The following CHUK variants were observed in gnomAD, a reference collection of about 807,000 sequenced individuals.
CHUK encodes the protein inhibitor of nuclear factor kappa-B kinase subunit alpha.
CHUK carries 35 observed loss-of-function variants against 104.8 expected under a neutral mutation model. That is an observed-to-expected ratio of 0.33 (90% CI 0.26 to 0.44). The LOEUF (loss-of-function observed/expected upper bound fraction) is 0.44. Ranked by LOEUF, CHUK falls within the 20% of genes least tolerant of loss-of-function variation. CHUK has a pLI of 1.00. For synonymous variants in CHUK, 276 were observed against 291.9 expected (o/e 0.95, Z 0.56); for missense variants, 663 against 902.7 (o/e 0.73, Z 3.40).
rs112523374 is a variant in CHUK at position 100,202,224 on chromosome 10, T to A, written c.1508-75A>T. 7.6e-4 allele frequency: 718 copies of A among 944,278 alleles called. 10 individuals carry two copies. In the African/African-American group the frequency reaches 1.0e-2, roughly 13 times the overall value. 58.5% of individuals were successfully genotyped at this position (944,278 alleles called of 1,614,324 possible). A position where few individuals can be genotyped will look rare whatever the true frequency, so the allele number is the denominator to read the frequency against. ...TTACTGGCTGCCTGCCTCCTTGCCA[T>A]ATCAACATCAAAGATGTGTTATGAG... is the stretch of plus-strand genomic sequence containing the variant. On this transcript the variant is annotated intron_variant, in intron 13 of 20. Coordinates refer to ENST00000370397, the MANE Select transcript of CHUK (RefSeq NM_001278.5).
At position 100,194,126 on chromosome 10, in the gene CHUK, A is replaced by C; in HGVS notation, c.1832T>G (p.Leu611Trp). The change falls in exon 18 of 21, where the codon TTG becomes TGG. Residue 611 changes from leucine to tryptophan, a missense_variant. Leu to Trp is a moderately conservative substitution (Grantham distance 61). Around this residue, in one of 5 missense-constraint regions of CHUK, gnomAD observed 311 missense variants for 393.4 expected, o/e 0.79. Transcript: ENST00000370397. Reference protein sequence around the residue: ...LKELFGHLSKLLGCKQKIIDL... With the variant: ...LKELFGHLSKWLGCKQKIIDL... ...AATAATCTTCTGCTTACAGCCCAAC[A>C]ACTTGCTGGAGAGATTAAATCAGTG... 6.2e-7 allele frequency: 1 copy of C among 1,613,426 alleles called. No individual in the cohort carries two copies. The highest frequency in any genetic ancestry group is 8.5e-7 in the Non-Finnish European group (1 of 1,179,942).
At chr10:100,209,304 C>T (rs1479946591) in intron 10 of CHUK, among the ~76,000 whole-genome samples, 1 of 152,228 alleles carries the variant, frequency 6.6e-6, no homozygotes, top group African/African-American at 2.4e-5. Flanking sequence ...TCTCCCAATT[C>T]ATCTGCATCT....
rs1845145444 is a variant in CHUK at position 100,189,524 on chromosome 10, A to AT, written c.*73dup. The AT allele has an allele frequency of 8.4e-7, 1 of 1,193,852 alleles. No homozygotes were observed. The highest frequency in any genetic ancestry group is 1.5e-5 in the African/African-American group (1 of 66,804). The allele number at this position is 1,193,852 out of a possible 1,614,324, so 74.0% of individuals were successfully genotyped here. ...TGACTGATGTCTGAAGAATGGTTTC[A>AT]TGGGGGAAAAACACATTTCCAACAT... On this transcript the variant is annotated 3_prime_UTR_variant, in exon 21 of 21. Transcript: ENST00000370397.
chr10:100,207,365 C>A, intron 10 of CHUK, 33 bp from the exon 11 acceptor site: 2 of 1,050,130 alleles, frequency 1.9e-6, no homozygotes, highest in South Asian at 2.5e-5. Context: ...AAATCCTGTT[C>A]AAGGATCTTT....
intron 15 of CHUK, 46 bp downstream of exon 15, chr10:100,200,625 C>T: frequency 2.2e-6 from 2 of 927,398 alleles, no homozygotes; most frequent in Non-Finnish European, 3.6e-6. Flanking sequence ...AGAAAGAATA[C>T]AAAATATTAC....
intron 11 of CHUK, among the ~76,000 whole-genome samples, chr10:100,206,252 C>A: frequency 7.2e-6 from 1 of 138,496 alleles, no homozygotes; most frequent in Non-Finnish European, 1.7e-5. Flanking sequence ...TTTTTTTTTA[C>A]TTTTTAATAT....
At chr10:100,223,090 T>C in intron 2 of CHUK, 110 bp from the exon 3 acceptor site, 1 of 612,382 alleles carries the variant, frequency 1.6e-6, no homozygotes, top group Non-Finnish European at 2.9e-6. Flanking sequence ...GAAAGATCAG[T>C]ATTATTTATA....
intron 14 of CHUK, among the ~76,000 whole-genome samples, chr10:100,201,380 G>C (rs1413504226): frequency 6.6e-6 from 1 of 152,190 alleles, no homozygotes; most frequent in Non-Finnish European, 1.5e-5. Context: ...ATAATTTTGA[G>C]AGTGAAAGGG....
Position 100,209,623 on chromosome 10 carries a change from G to T in CHUK, c.1100C>A (p.Pro367Gln). The change falls in exon 10 of 21, where the codon CCA becomes CAA. Residue 367 changes from proline to glutamine, a missense_variant. Pro to Gln is a moderately conservative substitution (Grantham distance 76). Transcript: ENST00000370397. Reference protein sequence around the residue: ...ETGISLDPRKPASQCVLDGVR... With the variant: ...ETGISLDPRKQASQCVLDGVR... ...TCCATCTAGAACACATTGAGAGGCT[G>T]GTTTCCGAGGATCCAGAGAAATTCC... The T allele has an allele frequency of 6.2e-7, 1 of 1,609,336 alleles. No homozygotes were observed. Among genetic ancestry groups the T allele is most frequent in the South Asian group, 1.1e-5 (1 of 90,980 alleles).
At chr10:100,212,960 C>T (rs943540661) in intron 9 of CHUK, among the ~76,000 whole-genome samples, 4 of 143,194 alleles carry the variant, frequency 2.8e-5, no homozygotes, top group Admixed American at 7.2e-5. Context: ...GAGCCAAGAT[C>T]GCGCCACTGC....
chr10:100,191,828 A>T, intron 19 of CHUK, among the ~76,000 whole-genome samples: 1 of 152,310 alleles, frequency 6.6e-6, no homozygotes, highest in East Asian at 1.9e-4. Flanking sequence ...TTCTTATACA[A>T]TGTATTCTGG....
chr10:100,190,925 C>T lies in CHUK; in HGVS notation c.2152G>A (p.Gly718Ser). 1.2e-6 allele frequency: 2 copies of T among 1,612,672 alleles called. No homozygotes were observed. The highest frequency in any genetic ancestry group is 1.1e-5 in the South Asian group (1 of 91,054). ...TCATGAATAATAGTGCTTAAATGGCCAAGGCAGTTCAAATTTTCTTCTATC... is the reference window on the plus strand; with the variant it reads ...TCATGAATAATAGTGCTTAAATGGCTAAGGCAGTTCAAATTTTCTTCTATC... ...QMIEENLNCL[G>S]HLSTIIHEAN... Residue 718 changes from glycine to serine, a missense_variant, in exon 20 of 21, where the codon GGC (glycine) becomes AGC (serine). By Grantham distance (56) the Gly-to-Ser change is moderately conservative. Coordinates refer to ENST00000370397, the MANE Select transcript of CHUK (RefSeq NM_001278.5).
intron 16 of CHUK, chr10:100,194,734 A>G (rs2134207936): frequency 2.5e-6 from 1 of 396,394 alleles, no homozygotes; most frequent in East Asian, 5.0e-5. Context: ...GCAGGTGTAT[A>G]ATGTATATAT....
downstream of CHUK, chr10:100,186,746 AAAG>A (rs958351815): frequency 6.6e-6 from 1 of 152,292 alleles, no homozygotes; most frequent in African/African-American, 2.4e-5. Context: ...CAAAAATAAA[AAAG>A]GGAAGGAAAA....
At chr10:100,197,182 TG>T (rs1250923322) in intron 16 of CHUK, among the ~76,000 whole-genome samples, 1 of 152,238 alleles carries the variant, frequency 6.6e-6, no homozygotes, top group Non-Finnish European at 1.5e-5. Context: ...TGTAGGCAAC[TG>T]TAACACAATG....
chr10:100,214,942 T>C (rs1209881568), intron 9 of CHUK, among the ~76,000 whole-genome samples: 1 of 151,802 alleles, frequency 6.6e-6, no homozygotes, highest in South Asian at 2.1e-4. Context: ...TCTATAGAGG[T>C]AGATTTAATG....
intron 9 of CHUK, among the ~76,000 whole-genome samples, chr10:100,213,447 T>A (rs1845780598): frequency 6.7e-6 from 1 of 149,902 alleles, no homozygotes; most frequent in Non-Finnish European, 1.5e-5. Flanking sequence ...GATTGCACCA[T>A]GGTACTCTAG....
intron 9 of CHUK, among the ~76,000 whole-genome samples, chr10:100,212,695 A>G (rs1485484929): frequency 6.6e-6 from 1 of 152,148 alleles, no homozygotes; most frequent in Non-Finnish European, 1.5e-5. Context: ...ATGCCCAAAT[A>G]AGTGGTGCTA....
intron 1 of CHUK, among the ~76,000 whole-genome samples, chr10:100,227,926 A>C (rs1357834971): frequency 2.0e-5 from 3 of 152,146 alleles, no homozygotes; most frequent in African/African-American, 7.2e-5. Context: ...TTACCTGTTC[A>C]TCTTGTCCCA....
Sources: allele counts gnomAD v4.1 joint callset (sites outside exome capture counted in the v4.1 genomes callset), GRCh38; gene constraint gnomAD v4.1.1; regional missense constraint gnomAD v4.1.1; transcripts MANE v1.5; gene names NCBI Gene and HGNC (gene_info 2026-07-23, HGNC 2026-07-21).